ATE1: variants seen among roughly 807,000 people sequenced by gnomAD.
The protein encoded by ATE1 is arginyltransferase 1, also known as arginyl-tRNA--protein transferase 1.
Under a neutral mutation model 70.5 loss-of-function variants are expected in ATE1, and 36 were observed. The observed-to-expected ratio is 0.51, with a 90% confidence interval of 0.39 to 0.67. The LOEUF is 0.67. Ranked by LOEUF, ATE1 falls within the 30% of genes least tolerant of loss-of-function variation. The probability of loss-of-function intolerance (pLI) is 0.00; values close to 1 mark genes in which losing one functional copy is unlikely to be tolerated. For missense variants in ATE1, 593 were observed against 629.5 expected (o/e 0.94, Z 0.62); for synonymous variants, 232 against 219.3 (o/e 1.06, Z -0.51).
chr10:121,920,829 C>A (rs1450173741), intron 3 of ATE1, among the ~76,000 whole-genome samples: 1 of 151,804 alleles, frequency 6.6e-6, no homozygotes, highest in Non-Finnish European at 1.5e-5. Context: ...CCCATCTCTA[C>A]TAAAAATACA....
intron 10 of ATE1, among the ~76,000 whole-genome samples, chr10:121,831,845 A>C (rs1017237377): frequency 1.3e-5 from 2 of 152,218 alleles, no homozygotes; most frequent in African/African-American, 4.8e-5. Flanking sequence ...AATGTATATA[A>C]TCAGTCATCT....
chr10:121,877,340 T>C (rs985071058), intron 7 of ATE1, among the ~76,000 whole-genome samples: 1 of 152,238 alleles, frequency 6.6e-6, no homozygotes, highest in Non-Finnish European at 1.5e-5. Context: ...CGAAATTTTA[T>C]ACAAGAGAAA....
chr10:121,834,116 C>T (rs1231884391), intron 10 of ATE1, among the ~76,000 whole-genome samples: 1 of 152,206 alleles, frequency 6.6e-6, no homozygotes, highest in Non-Finnish European at 1.5e-5. Context: ...GACCCTAAAA[C>T]TTCCCATTGG....
At chr10:121,837,415 C>A (rs1948470944) in intron 9 of ATE1, among the ~76,000 whole-genome samples, 1 of 152,192 alleles carries the variant, frequency 6.6e-6, no homozygotes, top group African/African-American at 2.4e-5. Flanking sequence ...GTCAGTCTCT[C>A]CACTATAACG....
intron 10 of ATE1, among the ~76,000 whole-genome samples, chr10:121,808,533 C>T (rs1947189479): frequency 1.3e-5 from 2 of 152,184 alleles, no homozygotes; most frequent in Non-Finnish European, 2.9e-5. Flanking sequence ...CATTCTCAAA[C>T]TCCACTCATA....
intron 11 of ATE1, among the ~76,000 whole-genome samples, chr10:121,757,963 C>T (rs184240463): frequency 6.6e-4 from 101 of 152,314 alleles, no homozygotes; most frequent in African/African-American, 2.2e-3. Context: ...CTCCAGCCTA[C>T]TGAAGTATTT....
chr10:121,792,473 G>C (rs1376514462), intron 10 of ATE1, among the ~76,000 whole-genome samples: 2 of 152,138 alleles, frequency 1.3e-5, no homozygotes, highest in African/African-American at 4.8e-5. Flanking sequence ...ACTGTTGCTG[G>C]TTCACTGCAC....
chr10:121,812,548 G>T (rs74558380), intron 10 of ATE1, among the ~76,000 whole-genome samples: 101 of 152,226 alleles, frequency 6.6e-4, no homozygotes, highest in African/African-American at 2.3e-3. Flanking sequence ...GAAATTCACA[G>T]AAGTGCAGCT....
chr10:121,786,479 C>G (rs373810869), intron 11 of ATE1, among the ~76,000 whole-genome samples: 1 of 151,870 alleles, frequency 6.6e-6, no homozygotes, highest in Non-Finnish European at 1.5e-5. Context: ...GACAAGCCTA[C>G]GCAACGTAGC....
At chr10:121,897,474 C>T (rs1024085849) in intron 7 of ATE1, among the ~76,000 whole-genome samples, 2 of 152,142 alleles carry the variant, frequency 1.3e-5, no homozygotes, top group African/African-American at 4.8e-5. Flanking sequence ...CAACAGGGAA[C>T]CTAGGACATA....
At chr10:121,907,452 G>A (rs1444474271) in intron 5 of ATE1, among the ~76,000 whole-genome samples, 3 of 150,014 alleles carry the variant, frequency 2.0e-5, no homozygotes, top group Non-Finnish European at 4.4e-5. Context: ...GCAACAGAGC[G>A]AGACTGTGTC....
intron 11 of ATE1, 58 bp from the exon 12 acceptor site, chr10:121,743,916 CTTTT>C (rs35850942): frequency 0.011 from 9,475 of 863,212 alleles, no homozygotes; most frequent in Admixed American, 0.024. Flanking sequence ...TTTTTGTTTC[CTTTT>C]TTTTTTTTTT....
At position 121,741,825 on chromosome 10, in the gene ATE1, A is replaced by G. The variant is rs1944156932; in HGVS notation, c.*1855T>C. ...ATAATTCTATTTATATTAAAATTAC[A>G]TAGGTATGTGTGTATACATACATGA... On this transcript the variant is annotated 3_prime_UTR_variant, in exon 12 of 12. Transcript: ENST00000224652. 6.6e-6 allele frequency: 1 copy of G among 152,244 alleles called. No individual in the cohort carries two copies. The highest frequency in any genetic ancestry group is 2.4e-5 in the African/African-American group (1 of 41,464). 9.4% of individuals were successfully genotyped at this position (152,244 alleles called of 1,614,324 possible). A position where few individuals can be genotyped will look rare whatever the true frequency, so the allele number is the denominator to read the frequency against.
chr10:121,743,868 C>CAAAAAATACT lies in ATE1; in HGVS notation c.1379-20_1379-11dup. On this transcript the variant is annotated splice_polypyrimidine_tract_variant and intron_variant, in intron 11 of 11. Coordinates refer to ENST00000224652, the MANE Select transcript of ATE1 (RefSeq NM_001001976.3). ...CTGCGATCCTCATCCACTGCAACGA[C>CAAAAAATACT]AAAAAATACTGATTTGTAAAATGTC... 7.0e-7 allele frequency: 1 copy of CAAAAAATACT among 1,427,164 alleles called. No homozygotes were observed. Among genetic ancestry groups the CAAAAAATACT allele is most frequent in the Non-Finnish European group, 9.4e-7 (1 of 1,067,222 alleles). The allele number at this position is 1,427,164 out of a possible 1,614,324, so 88.4% of individuals were successfully genotyped here.
chr10:121,853,953 T>C (rs1949151707), intron 8 of ATE1, among the ~76,000 whole-genome samples: 1 of 152,206 alleles, frequency 6.6e-6, no homozygotes, highest in South Asian at 2.1e-4. Flanking sequence ...AATCCCATTA[T>C]TCAGGGCAGA....
chr10:121,841,752 T>C (rs1193674213), intron 8 of ATE1, among the ~76,000 whole-genome samples: 1 of 151,982 alleles, frequency 6.6e-6, no homozygotes, highest in East Asian at 1.9e-4. Flanking sequence ...ACAATGGACT[T>C]TGGGGACTTA....
At chr10:121,845,181 A>G (rs1590465668) in intron 8 of ATE1, among the ~76,000 whole-genome samples, 1 of 152,184 alleles carries the variant, frequency 6.6e-6, no homozygotes, top group Admixed American at 6.5e-5. Context: ...AATCTACACT[A>G]TCTCCAAGGT....
In ATE1 at chr10:121,910,895, A is replaced by G; in HGVS notation, c.583+11T>C. The G allele has an allele frequency of 6.2e-7, 1 of 1,612,780 alleles. No homozygotes were observed. The highest frequency in any genetic ancestry group is 8.5e-7 in the Non-Finnish European group (1 of 1,179,812). Reference sequence around the variant, plus strand: ...CCGTGAATATGACTTGGTATCAAAAATCTTTACTACCTGGCTTAGGAACTG... The same window carrying G: ...CCGTGAATATGACTTGGTATCAAAAGTCTTTACTACCTGGCTTAGGAACTG... On this transcript the variant is annotated intron_variant, in intron 5 of 11. Coordinates refer to ENST00000224652, the MANE Select transcript of ATE1 (RefSeq NM_001001976.3).
At chr10:121,841,798 T>G (rs1048906624) in intron 8 of ATE1, among the ~76,000 whole-genome samples, 1 of 152,116 alleles carries the variant, frequency 6.6e-6, no homozygotes, top group African/African-American at 2.4e-5. Context: ...GATAAAAGAC[T>G]ACACATTGGG....
Sources: gnomAD v4.1 joint callset for allele counts (sites outside exome capture counted in the v4.1 genomes callset) on GRCh38, gnomAD v4.1.1 for gene constraint, MANE v1.5 for transcripts, NCBI Gene and HGNC (gene_info 2026-07-23, HGNC 2026-07-21) for gene names.